NOS1AP: variants seen among roughly 807,000 people sequenced by gnomAD.
NOS1AP encodes carboxyl-terminal PDZ ligand of neuronal nitric oxide synthase protein.
In NOS1AP, 21 loss-of-function variants were observed where a neutral mutation model predicts 56.2. The ratio of observed to expected loss-of-function variants is 0.37; its 90% CI spans 0.26 to 0.54. NOS1AP has a LOEUF of 0.54. NOS1AP is among the 20% of genes least tolerant of loss of function. NOS1AP has a pLI of 0.84. For missense variants in NOS1AP, 522 were observed against 657.8 expected, an observed-to-expected ratio of 0.79 and a Z score of 2.26; for synonymous variants, 270 against 274.6, an observed-to-expected ratio of 0.98 and a Z score of 0.17.
rs541555858 is a variant in NOS1AP, at chr1:162,247,698, C to G, written c.178-39646C>G. Among the ~76,000 whole-genome samples, 4 of 152,084 alleles carry G rather than the reference C, an allele frequency of 2.6e-5. No individual in the cohort carries two copies. In the South Asian group the frequency reaches 6.2e-4, roughly 24 times the overall value. On this transcript the variant is annotated intron_variant, in intron 2 of 9. Coordinates refer to ENST00000361897, the MANE Select transcript of NOS1AP (RefSeq NM_014697.3). Reference sequence around the variant, plus strand: ...TGAAAATAATTTTTGTCCCGTCCCCCCCACATTGTCCTCCTTCCATACCTA... The same window carrying G: ...TGAAAATAATTTTTGTCCCGTCCCCGCCACATTGTCCTCCTTCCATACCTA...
At chr1:162,356,491 A>G (rs1257354590) in intron 7 of NOS1AP, among the ~76,000 whole-genome samples, 1 of 152,154 alleles carries the variant, frequency 6.6e-6, no homozygotes, top group Non-Finnish European at 1.5e-5. Flanking sequence ...GCTTCTCCCA[A>G]CAAGGGAGAA....
At chr1:162,221,330 A>G (rs4415543) in intron 2 of NOS1AP, among the ~76,000 whole-genome samples, 6,262 of 151,930 alleles carry the variant, frequency 0.041, 172 homozygotes, top group African/African-American at 0.079. Flanking sequence ...AGGCTTGCTG[A>G]TTTTCTTTCT....
intron 6 of NOS1AP, among the ~76,000 whole-genome samples, chr1:162,347,719 T>C (rs1657349402): frequency 6.6e-6 from 1 of 152,176 alleles, no homozygotes; most frequent in Non-Finnish European, 1.5e-5. Flanking sequence ...GGGGACTCAG[T>C]GGGGATTCCA....
chr1:162,198,004 C>T (rs907852530), intron 2 of NOS1AP, among the ~76,000 whole-genome samples: 2 of 152,240 alleles, frequency 1.3e-5, no homozygotes, highest in African/African-American at 4.8e-5. Flanking sequence ...TTCATCCTAC[C>T]TGCCATGGGG....
At chr1:162,323,021 G>C (rs1176835302) in intron 4 of NOS1AP, among the ~76,000 whole-genome samples, 1 of 152,194 alleles carries the variant, frequency 6.6e-6, no homozygotes, top group Non-Finnish European at 1.5e-5. Context: ...GCTATGTTAG[G>C]ATATGTTCCT....
chr1:162,244,201 G>A (rs1653586536), intron 2 of NOS1AP, among the ~76,000 whole-genome samples: 1 of 152,090 alleles, frequency 6.6e-6, no homozygotes, highest in Admixed American at 6.5e-5. Flanking sequence ...GTCTATTTAG[G>A]GAGTAACTAG....
chr1:162,153,049 G>A (rs1649785037), intron 1 of NOS1AP, among the ~76,000 whole-genome samples: 1 of 152,126 alleles, frequency 6.6e-6, no homozygotes, highest in South Asian at 2.1e-4. Context: ...TGTCATAGAT[G>A]CTTAATCAAT....
intron 1 of NOS1AP, 40 bp downstream of exon 1, chr1:162,070,322 T>C: frequency 6.5e-7 from 1 of 1,539,358 alleles, no homozygotes; most frequent in Non-Finnish European, 9.0e-7. Context: ...GTGGTGGCGG[T>C]TGGGGGGGCA....
intron 2 of NOS1AP, among the ~76,000 whole-genome samples, chr1:162,167,629 A>T (rs981791091): frequency 6.6e-6 from 1 of 152,024 alleles, no homozygotes; most frequent in Admixed American, 6.5e-5. Flanking sequence ...CTTTCCCTTC[A>T]TCAGGCTCAG....
chr1:162,366,601 G>T (rs75872056), intron 9 of NOS1AP, among the ~76,000 whole-genome samples: 108 of 152,292 alleles, frequency 7.1e-4, no homozygotes, highest in African/African-American at 2.6e-3. Context: ...TAGCCCAGAG[G>T]TGTGGATTGG....
At chr1:162,155,430 T>C (rs1023916680) in intron 2 of NOS1AP, among the ~76,000 whole-genome samples, 5 of 148,576 alleles carry the variant, frequency 3.4e-5, no homozygotes, top group South Asian at 2.1e-4. Flanking sequence ...CCTATATACA[T>C]ACATATATAC....
chr1:162,112,551 G>A (rs965660563), intron 1 of NOS1AP, among the ~76,000 whole-genome samples: 1 of 152,176 alleles, frequency 6.6e-6, no homozygotes, highest in African/African-American at 2.4e-5. Flanking sequence ...ATTCAAAGAT[G>A]TTCATTGCCA....
intron 8 of NOS1AP, among the ~76,000 whole-genome samples, chr1:162,362,508 A>G (rs1219598654): frequency 6.6e-6 from 1 of 152,058 alleles, no homozygotes; most frequent in Non-Finnish European, 1.5e-5. Context: ...CTGACTCTGC[A>G]GTATGTGTGC....
chr1:162,155,890 C>G (rs1189634647), intron 2 of NOS1AP, among the ~76,000 whole-genome samples: 2 of 152,094 alleles, frequency 1.3e-5, no homozygotes, highest in Non-Finnish European at 2.9e-5. Context: ...CTGGTTTGTT[C>G]TTTAGAATAA....
At chr1:162,279,412 C>T (rs1374861043) in intron 2 of NOS1AP, among the ~76,000 whole-genome samples, 1 of 152,204 alleles carries the variant, frequency 6.6e-6, no homozygotes, top group African/African-American at 2.4e-5. Flanking sequence ...TTGACTTGCC[C>T]TATGCCATCA....
chr1:162,251,873 T>G lies in NOS1AP; in HGVS notation c.178-35471T>G, dbSNP rs1251248238. Among the ~76,000 whole-genome samples, 66 of 133,302 alleles carry G rather than the reference T, an allele frequency of 5.0e-4. No individual in the cohort carries two copies. In the East Asian group the frequency reaches 6.2e-3, roughly 12 times the overall value. The allele number at this position is 133,302 out of a possible 152,430, so 87.5% of individuals were successfully genotyped here. On this transcript the variant is annotated intron_variant, in intron 2 of 9. Coordinates refer to ENST00000361897, the MANE Select transcript of NOS1AP (RefSeq NM_014697.3). ...TAGCTAGTTGTTTTTTTTTTTGTTT[T>G]TTTTTTTTTTTTTTTTGTGGAGACA...
chr1:162,333,970 A>G (rs895148189), intron 5 of NOS1AP, among the ~76,000 whole-genome samples: 44 of 152,340 alleles, frequency 2.9e-4, no homozygotes, highest in African/African-American at 1.1e-3. Flanking sequence ...GATTTTGGAA[A>G]ACACTATTTG....
intron 1 of NOS1AP, among the ~76,000 whole-genome samples, chr1:162,133,639 G>C (rs910928455): frequency 6.6e-6 from 1 of 152,186 alleles, no homozygotes; most frequent in African/African-American, 2.4e-5. Flanking sequence ...TATGTGGTTA[G>C]CATTCTGCTG....
rs58625856 is a variant in NOS1AP, at chr1:162,199,595, C to CGTGTGTGTGT, written c.177+45156_177+45165dup. On this transcript the variant is annotated intron_variant, in intron 2 of 9. Transcript: ENST00000361897. ...ATTCTGGACAACAGAGCATGGATTGCGTGTGTGTGTGTGTGTGTGTGTGTG... is the reference window on the plus strand; with the variant it reads ...ATTCTGGACAACAGAGCATGGATTGCGTGTGTGTGTGTGTGTGTGTGTGTGTGTGTGTGTG... Among the ~76,000 whole-genome samples, 58 of 131,702 alleles carry CGTGTGTGTGT rather than the reference C, an allele frequency of 4.4e-4. 1 individual carries two copies. Among genetic ancestry groups the CGTGTGTGTGT allele is most frequent in the East Asian group, 1.2e-3 (5 of 4,260 alleles). 86.4% of individuals were successfully genotyped at this position (131,702 alleles called of 152,430 possible). A position where few individuals can be genotyped will look rare whatever the true frequency, so the allele number is the denominator to read the frequency against.
Sources: gnomAD v4.1 joint callset for allele counts (sites outside exome capture counted in the v4.1 genomes callset) on GRCh38, gnomAD v4.1.1 for gene constraint, MANE v1.5 for transcripts, NCBI Gene and HGNC (gene_info 2026-07-23, HGNC 2026-07-21) for gene names.